The following KMT2C variants were observed in gnomAD, a reference collection of about 807,000 sequenced individuals.
KMT2C encodes lysine methyltransferase 2C, also known as histone-lysine N-methyltransferase 2C.
A neutral mutation model predicts 507.9 loss-of-function variants in KMT2C; 88 were observed. That is an observed-to-expected ratio of 0.17 (90% CI 0.15 to 0.21). The LOEUF (loss-of-function observed/expected upper bound fraction) is 0.21, where lower values mean the gene tolerates loss of function less well. Ranked by LOEUF, KMT2C falls within the 10% of genes least tolerant of loss-of-function variation. The pLI is 1.00. For synonymous variants in KMT2C, 2,049 were observed against 2,080.8 expected, an observed-to-expected ratio of 0.98 and a Z score of 0.42; for missense variants, 4,954 against 5,957.8, an observed-to-expected ratio of 0.83 and a Z score of 5.55.
intron 2 of KMT2C, among the ~76,000 whole-genome samples, chr7:152,350,832 ACTT>A (rs1474848871): frequency 5.3e-5 from 8 of 152,290 alleles, no homozygotes; most frequent in African/African-American, 1.9e-4. Context: ...TACTTTATAA[ACTT>A]TTTTTAAACT....
chr7:152,250,510 C>G (rs1039006742), intron 12 of KMT2C, among the ~76,000 whole-genome samples: 2 of 152,020 alleles, frequency 1.3e-5, no homozygotes, highest in African/African-American at 4.8e-5. Flanking sequence ...TGAGATGATC[C>G]AATACAGTAA....
chr7:152,240,258 T>C (rs1319300257), intron 14 of KMT2C, among the ~76,000 whole-genome samples: 2 of 152,230 alleles, frequency 1.3e-5, no homozygotes, highest in East Asian at 1.9e-4. Context: ...TCCCTACTAT[T>C]AGTAAGGAAG....
Position 152,177,593 on chromosome 7 carries a change from A to G in KMT2C, c.7860T>C (p.Pro2620=), listed in dbSNP as rs2129115055. The G allele has an allele frequency of 6.2e-7, 1 of 1,614,156 alleles. No individual in the cohort carries two copies. The highest frequency in any genetic ancestry group is 1.1e-5 in the South Asian group (1 of 91,080). Reference sequence around the variant, plus strand: ...GCACTTGTTCCAAATCTGGGTGCACAGGTAGCTGATTAGGTAGACCCTGGG... The same window carrying G: ...GCACTTGTTCCAAATCTGGGTGCACGGGTAGCTGATTAGGTAGACCCTGGG... ...RPPQGLPNQL[P]VHPDLEQVPP... Residue 2620 remains proline (P), a synonymous_variant, in exon 38 of 59, where the codon CCT becomes CCC. Coordinates refer to ENST00000262189, the MANE Select transcript of KMT2C (RefSeq NM_170606.3).
At chr7:152,426,671 GCACC>G (rs1246829393) in intron 1 of KMT2C, among the ~76,000 whole-genome samples, 1 of 152,124 alleles carries the variant, frequency 6.6e-6, no homozygotes, top group Non-Finnish European at 1.5e-5. Flanking sequence ...CCTTACAACA[GCACC>G]TCTTAATAGG....
intron 6 of KMT2C, among the ~76,000 whole-genome samples, chr7:152,296,067 CA>C (rs34144566): frequency 0.02 from 887 of 45,392 alleles, 3 homozygotes; most frequent in African/African-American, 0.052. Context: ...GACTCCGTCT[CA>C]AAAAAAAAAA....
At chr7:152,351,280 T>C (rs940997504) in intron 2 of KMT2C, among the ~76,000 whole-genome samples, 2 of 152,194 alleles carry the variant, frequency 1.3e-5, no homozygotes, top group African/African-American at 4.8e-5. Context: ...CAAGAGTGTA[T>C]GTAGTGTACT....
intron 1 of KMT2C, among the ~76,000 whole-genome samples, chr7:152,381,473 T>C (rs1044872856): frequency 5.9e-5 from 9 of 152,158 alleles, no homozygotes; most frequent in African/African-American, 2.2e-4. Flanking sequence ...TAGTCCAAAA[T>C]GTCAACAGTG....
At chr7:152,191,624 G>A (rs1588086026) in intron 31 of KMT2C, among the ~76,000 whole-genome samples, 1 of 152,172 alleles carries the variant, frequency 6.6e-6, no homozygotes, top group East Asian at 1.9e-4. Flanking sequence ...TAAGTGATCA[G>A]ATCACACCAG....
chr7:152,173,274 T>C (rs139471680), intron 39 of KMT2C, among the ~76,000 whole-genome samples: 122 of 152,292 alleles, frequency 8.0e-4, no homozygotes, highest in African/African-American at 2.7e-3. Flanking sequence ...AATTCTATAA[T>C]CATCCACATT....
In KMT2C at chr7:152,315,714, C is replaced by T. The variant is rs376043652; in HGVS notation, c.390-376G>A. ...CCCAGTACTCTGGGAGGTGGAAGTT[C>T]GAGACCAGCCTGTCCAACGTGGTGA... On this transcript the variant is annotated intron_variant, in intron 3 of 58. Transcript: ENST00000262189. Among the ~76,000 whole-genome samples the T allele has an allele frequency of 4.3e-4, 66 of 152,200 alleles. 1 individual carries two copies. The highest frequency in any genetic ancestry group is 1.5e-3 in the African/African-American group (64 of 41,526).
intron 13 of KMT2C, among the ~76,000 whole-genome samples, 181 bp downstream of exon 13, chr7:152,249,695 A>C (rs2095533263): frequency 6.7e-6 from 1 of 149,184 alleles, no homozygotes; most frequent in Admixed American, 6.6e-5. Context: ...AAAAAAAAAA[A>C]AAAACCTTTC....
At chr7:152,290,287 T>TA (rs2096401240) in intron 6 of KMT2C, among the ~76,000 whole-genome samples, 1 of 38,062 alleles carries the variant, frequency 2.6e-5, no homozygotes, top group African/African-American at 1.4e-4. Flanking sequence ...TATATATATA[T>TA]ATATATATTT....
At chr7:152,391,142 C>CAAAA (rs1195125465) in intron 1 of KMT2C, among the ~76,000 whole-genome samples, 7,502 of 34,604 alleles carry the variant, frequency 0.22, 2,205 homozygotes, top group South Asian at 0.42. Context: ...AGACTGTCTC[C>CAAAA]AAAAAAAAAA....
chr7:152,380,753 A>G (rs554676246), intron 1 of KMT2C, among the ~76,000 whole-genome samples: 3 of 152,164 alleles, frequency 2.0e-5, no homozygotes, highest in Admixed American at 1.3e-4. Flanking sequence ...AAATAAAAGG[A>G]TAGGTAGGAT....
chr7:152,389,300 G>A (rs1241666115), intron 1 of KMT2C, among the ~76,000 whole-genome samples: 2 of 146,958 alleles, frequency 1.4e-5, no homozygotes, highest in African/African-American at 2.6e-5. Flanking sequence ...GGGAGGCCGA[G>A]ACTGCAGTGA....
chr7:152,199,683 G>A (rs1420355097), intron 26 of KMT2C, among the ~76,000 whole-genome samples: 2 of 152,052 alleles, frequency 1.3e-5, no homozygotes, highest in African/African-American at 4.8e-5. Flanking sequence ...CTTTACTAGA[G>A]ACAAAATTAT....
At chr7:152,233,715 C>T (rs2095192792) in intron 16 of KMT2C, among the ~76,000 whole-genome samples, 1 of 152,112 alleles carries the variant, frequency 6.6e-6, no homozygotes, top group Admixed American at 6.6e-5. Flanking sequence ...TAATAAGAAA[C>T]ATTATGATCA....
At chr7:152,199,488 G>T in intron 26 of KMT2C, 29 bp from the exon 27 acceptor site, 2 of 1,418,474 alleles carry the variant, frequency 1.4e-6, no homozygotes, top group South Asian at 2.9e-5. Flanking sequence ...ATACAAAAAT[G>T]GTTAGAAAAT....
Position 152,163,335 on chromosome 7 carries a change from T to C in KMT2C, c.10242A>G (p.Gln3414=), listed in dbSNP as rs762058889. 3 of 1,614,060 alleles carry C rather than the reference T, an allele frequency of 1.9e-6. No individual in the cohort carries two copies. The highest frequency in any genetic ancestry group is 2.7e-5 in the African/African-American group (2 of 74,922). Residue 3414 remains glutamine (Q), a synonymous_variant, in exon 43 of 59, where the codon CAA becomes CAG. Transcript: ENST00000262189. ...LREQQERQRI[Q]LMQEVDRQRA... is the part of the protein sequence containing the mutation. ...TTTGTCTATCTACCTCCTGCATGAG[T>C]TGGATCCGTTGTCTCTCTTGCTGTT...
Sources: allele counts gnomAD v4.1 joint callset (sites outside exome capture counted in the v4.1 genomes callset), GRCh38; gene constraint gnomAD v4.1.1; transcripts MANE v1.5; gene names NCBI Gene and HGNC (gene_info 2026-07-23, HGNC 2026-07-21).